The following TACC2 variants were observed in gnomAD, a reference collection of about 807,000 sequenced individuals.
TACC2 encodes transforming acidic coiled-coil containing protein 2.
A neutral mutation model predicts 227.3 loss-of-function variants in TACC2; 137 were observed. That is an observed-to-expected ratio of 0.60 (90% CI 0.52 to 0.69). The LOEUF (loss-of-function observed/expected upper bound fraction) is 0.69. Ranked by LOEUF, TACC2 falls within the 30% of genes least tolerant of loss-of-function variation. TACC2 has a pLI of 0.00. For synonymous variants in TACC2, 1,523 were observed against 1,487.5 expected (o/e 1.02, Z -0.55); for missense variants, 3,470 against 3,694.4 (o/e 0.94, Z 1.57).
intron 7 of TACC2, among the ~76,000 whole-genome samples, chr10:122,164,525 G>A (rs2093033064): frequency 6.6e-6 from 1 of 152,208 alleles, no homozygotes; most frequent in South Asian, 2.1e-4. Flanking sequence ...TTAGTAAAGG[G>A]CCGAACCGTC....
chr10:122,157,361 G>A (rs2092555927), intron 7 of TACC2, among the ~76,000 whole-genome samples: 1 of 152,150 alleles, frequency 6.6e-6, no homozygotes, highest in South Asian at 2.1e-4. Flanking sequence ...AGGAGCCCCT[G>A]CCGTGCTTGC....
Position 122,237,922 on chromosome 10 carries a change from A to T in TACC2, c.8272-39A>T, listed in dbSNP as rs114161617. 3,149 of 1,516,252 alleles carry T rather than the reference A, an allele frequency of 2.1e-3. 61 individuals carry two copies. In the African/African-American group the frequency reaches 0.036, roughly 18 times the overall value. The allele number at this position is 1,516,252 out of a possible 1,614,324, so 93.9% of individuals were successfully genotyped here. ...GAATTGCTCAGAGCTGAATTCACTC[A>T]TTTGGGGCTAACCTTTCTCTTCTTC... is the stretch of plus-strand genomic sequence containing the variant. On this transcript the variant is annotated intron_variant, in intron 17 of 22. Coordinates refer to ENST00000369005, the MANE Select transcript of TACC2 (RefSeq NM_206862.4).
chr10:122,115,500 G>C (rs750146355), intron 5 of TACC2, among the ~76,000 whole-genome samples: 3 of 152,200 alleles, frequency 2.0e-5, no homozygotes, highest in Admixed American at 6.5e-5. Flanking sequence ...GGCGTCTAGT[G>C]GGGGAGGGCT....
intron 9 of TACC2, chr10:122,213,396 A>G (rs150669201): frequency 1.0e-4 from 167 of 1,611,500 alleles, no homozygotes; most frequent in Middle Eastern, 1.6e-4. Context: ...ATTTAATGCA[A>G]TCTGCCTCTT....
At chr10:121,996,348 A>G (rs936527328) in intron 1 of TACC2, among the ~76,000 whole-genome samples, 7 of 152,194 alleles carry the variant, frequency 4.6e-5, no homozygotes, top group African/African-American at 1.7e-4. Flanking sequence ...GAACTGCCTC[A>G]CCTAGCCTCC....
intron 19 of TACC2, chr10:122,247,291 T>C (rs2141874291): frequency 6.6e-6 from 1 of 152,312 alleles, no homozygotes; most frequent in Middle Eastern, 3.4e-3. Flanking sequence ...AGATGTGATC[T>C]GTCTATGGCA....
intron 18 of TACC2, among the ~76,000 whole-genome samples, 181 bp downstream of exon 18, chr10:122,238,218 G>A (rs1427114005): frequency 5.3e-4 from 80 of 152,094 alleles, no homozygotes; most frequent in Non-Finnish European, 2.9e-5. Context: ...AAAATAGCAT[G>A]CACATGAATT....
At chr10:122,033,474 A>G (rs1159149574) in intron 2 of TACC2, among the ~76,000 whole-genome samples, 1 of 152,154 alleles carries the variant, frequency 6.6e-6, no homozygotes, top group Non-Finnish European at 1.5e-5. Context: ...AACCCCTCCA[A>G]ACTCTTCTAC....
chr10:122,074,103 C>T (rs1280541786), intron 3 of TACC2, among the ~76,000 whole-genome samples: 2 of 121,618 alleles, frequency 1.6e-5, no homozygotes, highest in Admixed American at 1.0e-4. Flanking sequence ...TTTTTTGAGA[C>T]GGAGTATCGC....
chr10:122,192,910 C>T, intron 7 of TACC2: 2 of 384,850 alleles, frequency 5.2e-6, no homozygotes, highest in South Asian at 3.7e-5. Flanking sequence ...CAGGGCTCGC[C>T]AGGCTGATCT....
chr10:122,240,816 G>C (rs10887108), intron 18 of TACC2, among the ~76,000 whole-genome samples: 271 of 152,150 alleles, frequency 1.8e-3, no homozygotes, highest in African/African-American at 6.4e-3. Flanking sequence ...TTTGGAGAAA[G>C]GACGTCTTCA....
chr10:122,160,115 C>A (rs549329696), intron 7 of TACC2, among the ~76,000 whole-genome samples: 2 of 152,324 alleles, frequency 1.3e-5, no homozygotes, highest in South Asian at 2.1e-4. Context: ...AAGCTGGTTT[C>A]CACTTATAGG....
At chr10:122,039,986 C>CG (rs2074047629) in intron 2 of TACC2, among the ~76,000 whole-genome samples, 1 of 151,902 alleles carries the variant, frequency 6.6e-6, no homozygotes, top group African/African-American at 2.4e-5. Context: ...TCAGCCCAGC[C>CG]CCTTGTGGGT....
At chr10:122,208,088 G>A (rs1009478409) in intron 8 of TACC2, among the ~76,000 whole-genome samples, 2 of 152,146 alleles carry the variant, frequency 1.3e-5, no homozygotes, top group African/African-American at 2.4e-5. Context: ...AGAAAGAAGC[G>A]AGGCAACACC....
At chr10:122,224,354 A>G (rs1750004689) in intron 11 of TACC2, among the ~76,000 whole-genome samples, 1 of 152,048 alleles carries the variant, frequency 6.6e-6, no homozygotes, top group Non-Finnish European at 1.5e-5. Flanking sequence ...CACGTGTCTC[A>G]CCTGACAGTT....
intron 5 of TACC2, among the ~76,000 whole-genome samples, chr10:122,128,077 A>G (rs776791535): frequency 6.6e-6 from 1 of 151,862 alleles, no homozygotes; most frequent in Non-Finnish European, 1.5e-5. Context: ...GTGAGTGGGT[A>G]AGTAGAAGTG....
At chr10:122,093,087 T>C (rs2081003441) in intron 5 of TACC2, among the ~76,000 whole-genome samples, 1 of 129,628 alleles carries the variant, frequency 7.7e-6, no homozygotes, top group Non-Finnish European at 1.6e-5. Flanking sequence ...CGTTCTCTCT[T>C]TGTCTCTCTC....
intron 3 of TACC2, among the ~76,000 whole-genome samples, chr10:122,054,428 G>T (rs183529851): frequency 6.6e-6 from 1 of 152,304 alleles, no homozygotes; most frequent in Admixed American, 6.5e-5. Context: ...CTGATTAGCA[G>T]TCTGGACTGG....
chr10:122,092,874 C>T (rs920358561), intron 5 of TACC2, among the ~76,000 whole-genome samples: 4 of 152,212 alleles, frequency 2.6e-5, no homozygotes, highest in African/African-American at 7.2e-5. Flanking sequence ...GACTCAGAGA[C>T]AGCCTCATGT....
Sources: allele counts gnomAD v4.1 joint callset (sites outside exome capture counted in the v4.1 genomes callset), GRCh38; gene constraint gnomAD v4.1.1; transcripts MANE v1.5; gene names NCBI Gene and HGNC (gene_info 2026-07-23, HGNC 2026-07-21).